The following CTNNA2 variants were observed in gnomAD, a reference collection of about 807,000 sequenced individuals.
The protein encoded by CTNNA2 is catenin alpha-2.
CTNNA2 carries 42 observed loss-of-function variants against 101.0 expected under a neutral mutation model. The observed-to-expected ratio is 0.42, with a 90% CI of 0.32 to 0.54. The LOEUF (loss-of-function observed/expected upper bound fraction) is 0.54, where lower values mean the gene tolerates loss of function less well. Ranked by LOEUF, CTNNA2 falls within the 20% of genes least tolerant of loss-of-function variation. The probability of loss-of-function intolerance (pLI) is 0.14; values close to 1 mark genes in which losing one functional copy is unlikely to be tolerated. For synonymous variants in CTNNA2, 450 were observed against 456.4 expected (o/e 0.99, Z 0.18); for missense variants, 871 against 1,223.1 (o/e 0.71, Z 4.29).
chr2:80,480,890 G>A (rs1243869575), intron 9 of CTNNA2, among the ~76,000 whole-genome samples: 1 of 152,046 alleles, frequency 6.6e-6, no homozygotes, highest in East Asian at 1.9e-4. Flanking sequence ...TAAGATAGTT[G>A]CGATAAATAA....
intron 1 of CTNNA2, among the ~76,000 whole-genome samples, chr2:79,587,127 C>G (rs761137998): frequency 6.6e-6 from 1 of 152,102 alleles, no homozygotes; most frequent in Non-Finnish European, 1.5e-5. Context: ...CTGCTATAAA[C>G]GTGTGTGCGC....
Position 79,851,737 on chromosome 2 carries a change from C to CTTTT in CTNNA2, c.299-6257_299-6254dup, listed in dbSNP as rs11399192. Among the ~76,000 whole-genome samples the CTTTT allele has an allele frequency of 2.0e-3, 175 of 87,126 alleles. 1 individual carries two copies. Among genetic ancestry groups the CTTTT allele is most frequent in the African/African-American group, 5.1e-3 (109 of 21,316 alleles). The allele number at this position is 87,126 out of a possible 152,430, so 57.2% of individuals were successfully genotyped here. A position where few individuals can be genotyped will look rare whatever the true frequency, so the allele number is the denominator to read the frequency against. ...TTTTCTTTTTCATTTTTTTCTTTTCCTTTTTTTTTTTTTTTTTTTTTTGAG... is the reference window on the plus strand; with the variant it reads ...TTTTCTTTTTCATTTTTTTCTTTTCCTTTTTTTTTTTTTTTTTTTTTTTTTTGAG... On this transcript the variant is annotated intron_variant, in intron 3 of 18. Coordinates refer to ENST00000402739, the MANE Select transcript of CTNNA2 (RefSeq NM_001282597.3).
At chr2:79,999,146 G>A (rs1017191462) in intron 7 of CTNNA2, among the ~76,000 whole-genome samples, 2 of 151,714 alleles carry the variant, frequency 1.3e-5, no homozygotes, top group Non-Finnish European at 2.9e-5. Context: ...ATTGAGATCT[G>A]GTGGTAGAGG....
intron 13 of CTNNA2, chr2:80,575,081 C>T (rs1197955810): frequency 6.6e-6 from 1 of 152,132 alleles, no homozygotes; most frequent in African/African-American, 2.4e-5. Flanking sequence ...CCTTATCTTA[C>T]CAACAGTTTA....
At chr2:80,340,344 G>A (rs1488696462) in intron 7 of CTNNA2, among the ~76,000 whole-genome samples, 1 of 152,208 alleles carries the variant, frequency 6.6e-6, no homozygotes, top group African/African-American at 2.4e-5. Flanking sequence ...CTTTCAGTGA[G>A]GTTTCTCATG....
At chr2:80,432,176 C>T (rs750816418) in intron 9 of CTNNA2, among the ~76,000 whole-genome samples, 14 of 152,030 alleles carry the variant, frequency 9.2e-5, no homozygotes, top group Non-Finnish European at 1.8e-4. Context: ...TGAATAACAT[C>T]GTTTTGCTTA....
At chr2:80,047,246 CAATT>C (rs1196347656) in intron 7 of CTNNA2, among the ~76,000 whole-genome samples, 1 of 152,154 alleles carries the variant, frequency 6.6e-6, no homozygotes, top group East Asian at 1.9e-4. Flanking sequence ...AAATTTAAAT[CAATT>C]AAAACTACAC....
intron 3 of CTNNA2, among the ~76,000 whole-genome samples, chr2:79,821,764 A>G (rs1468448962): frequency 6.6e-6 from 1 of 152,200 alleles, no homozygotes; most frequent in Non-Finnish European, 1.5e-5. Flanking sequence ...TGTACATCCC[A>G]TATAGAACAT....
In CTNNA2 at chr2:80,020,245, G is replaced by C. The variant is rs115877966; in HGVS notation, c.1056+110448G>C. Among the ~76,000 whole-genome samples, 577 of 152,296 alleles carry C rather than the reference G, an allele frequency of 3.8e-3. 4 individuals are homozygous for C. Among genetic ancestry groups the C allele is most frequent in the African/African-American group, 0.013 (532 of 41,564 alleles). ...AAAAGACCAAGGGGAAGTGAATGAG[G>C]ACACTGGAATGGAGTCTGTTTCATG... On this transcript the variant is annotated intron_variant, in intron 7 of 18. Coordinates refer to ENST00000402739, the MANE Select transcript of CTNNA2 (RefSeq NM_001282597.3).
intron 5 of CTNNA2, among the ~76,000 whole-genome samples, chr2:79,506,039 A>C (rs1010415588): frequency 9.9e-5 from 15 of 152,194 alleles, no homozygotes; most frequent in Admixed American, 7.9e-4. Flanking sequence ...TACACAATGT[A>C]AACAGGCACT....
At chr2:79,844,196 G>C (rs1680033447) in intron 3 of CTNNA2, among the ~76,000 whole-genome samples, 3 of 152,138 alleles carry the variant, frequency 2.0e-5, no homozygotes, top group African/African-American at 7.2e-5. Context: ...GCCTGCAAGA[G>C]GCAGGAAGAC....
At chr2:79,432,273 A>T (rs1678666788) in intron 4 of CTNNA2, among the ~76,000 whole-genome samples, 1 of 152,186 alleles carries the variant, frequency 6.6e-6, no homozygotes, top group Non-Finnish European at 1.5e-5. Flanking sequence ...GGTTATCATG[A>T]TCATTTAATG....
At chr2:80,203,606 T>C (rs991513933) in intron 7 of CTNNA2, among the ~76,000 whole-genome samples, 6 of 152,250 alleles carry the variant, frequency 3.9e-5, no homozygotes, top group African/African-American at 1.4e-4. Context: ...CCTGTGGCTT[T>C]GCAGGATATT....
At chr2:79,749,640 G>T (rs1671879116) in intron 3 of CTNNA2, among the ~76,000 whole-genome samples, 1 of 152,188 alleles carries the variant, frequency 6.6e-6, no homozygotes. Flanking sequence ...AAGGAGTCTT[G>T]TGAAATCAGG....
intron 7 of CTNNA2, among the ~76,000 whole-genome samples, chr2:80,247,005 G>A (rs985789645): frequency 5.3e-5 from 8 of 152,084 alleles, no homozygotes; most frequent in Non-Finnish European, 7.4e-5. Flanking sequence ...CGGATCTTTG[G>A]TGACCATCTC....
chr2:80,099,155 C>T lies in CTNNA2; in HGVS notation c.1056+189358C>T, dbSNP rs114888063. Among the ~76,000 whole-genome samples the T allele has an allele frequency of 7.5e-3, 1,138 of 151,910 alleles. 10 individuals are homozygous for T. Among genetic ancestry groups the T allele is most frequent in the African/African-American group, 0.024 (1,000 of 41,398 alleles). On this transcript the variant is annotated intron_variant, in intron 7 of 18. Transcript: ENST00000402739. ...ATTCGGCCATCTTGACTCCACCCCC[C>T]GAATTGTTTCAATTCTTATGGTGGT...
At chr2:79,292,606 T>C (rs543696602) in intron 2 of CTNNA2, among the ~76,000 whole-genome samples, 2 of 152,272 alleles carry the variant, frequency 1.3e-5, no homozygotes, top group South Asian at 2.1e-4. Context: ...AAGTACCCCA[T>C]TTCCCAGGGA....
chr2:79,641,874 C>A (rs571325250), intron 1 of CTNNA2, among the ~76,000 whole-genome samples: 1 of 152,050 alleles, frequency 6.6e-6, no homozygotes, highest in African/African-American at 2.4e-5. Context: ...AAAATTGGCA[C>A]GGAGTATTAA....
At chr2:79,741,472 A>G (rs1039547851) in intron 2 of CTNNA2, among the ~76,000 whole-genome samples, 1 of 152,092 alleles carries the variant, frequency 6.6e-6, no homozygotes, top group South Asian at 2.1e-4. Context: ...CATCTTTTCA[A>G]TCTTGAGTCT....
Sources: allele counts gnomAD v4.1 joint callset (sites outside exome capture counted in the v4.1 genomes callset), GRCh38; gene constraint gnomAD v4.1.1; transcripts MANE v1.5; gene names NCBI Gene and HGNC (gene_info 2026-07-23, HGNC 2026-07-21).